Variants in AGO4 observed in about 807,000 individuals in gnomAD.
The protein encoded by AGO4 is argonaute RISC component 4.
Under a neutral mutation model 104.7 loss-of-function variants are expected in AGO4, and 33 were observed. The ratio of observed to expected loss-of-function variants is 0.32; its 90% confidence interval spans 0.24 to 0.42. The LOEUF (loss-of-function observed/expected upper bound fraction) is 0.42. Among genes scored for constraint, AGO4 ranks in the 10% least tolerant of loss-of-function variants. The pLI is 1.00. For missense variants in AGO4, 711 were observed against 1,083.4 expected, an observed-to-expected ratio of 0.66 and a Z score of 4.83; for synonymous variants, 331 against 364.7, an observed-to-expected ratio of 0.91 and a Z score of 1.05.
At chr1:35,848,662 T>G (rs1644630961) in intron 15 of AGO4, among the ~76,000 whole-genome samples, 1 of 151,234 alleles carries the variant, frequency 6.6e-6, no homozygotes, top group Admixed American at 6.6e-5. Context: ...AAGGGTAAAA[T>G]AAATTTAGAA....
intron 17 of AGO4, among the ~76,000 whole-genome samples, chr1:35,851,372 C>G (rs907432959): frequency 6.6e-6 from 1 of 152,132 alleles, no homozygotes; most frequent in African/African-American, 2.4e-5. Context: ...ACCCTGGCTC[C>G]GGTCAAAGTA....
intron 7 of AGO4, among the ~76,000 whole-genome samples, chr1:35,830,192 A>G (rs971536741): frequency 6.6e-6 from 1 of 150,816 alleles, no homozygotes; most frequent in African/African-American, 2.4e-5. Flanking sequence ...TGTACTAAGT[A>G]TTTGAGATAA....
chr1:35,847,532 G>A lies in AGO4; in HGVS notation c.2176-2625G>A, dbSNP rs1046920083. Among the ~76,000 whole-genome samples, 9 of 152,092 alleles carry A rather than the reference G, an allele frequency of 5.9e-5. No homozygotes were observed. In the East Asian group the frequency reaches 1.5e-3, roughly 26 times the overall value. Reference sequence around the variant, plus strand: ...TACAGGCATGAAAGCCACTGCTCCCGGCCCAAGTTTACAAATGTGTACTGG... The same window carrying A: ...TACAGGCATGAAAGCCACTGCTCCCAGCCCAAGTTTACAAATGTGTACTGG... On this transcript the variant is annotated intron_variant, in intron 15 of 17. Transcript: ENST00000373210.
Position 35,825,675 on chromosome 1 carries a change from T to C in AGO4, c.489-4T>C. ...GTGACACATGCAAACTCTTATTTCT[T>C]CAGGTACACCCCAGTGGGCCGTTCC... On this transcript the variant is annotated splice_polypyrimidine_tract_variant and splice_region_variant and intron_variant, in intron 4 of 17. Transcript: ENST00000373210. 1.9e-6 allele frequency: 3 copies of C among 1,538,582 alleles called. No individual in the cohort carries two copies. The highest frequency in any genetic ancestry group is 2.6e-6 in the Non-Finnish European group (3 of 1,147,118).
In AGO4 at chr1:35,816,872, A is replaced by G. The variant is rs1364992009; in HGVS notation, c.20-10A>G. 4.5e-6 allele frequency: 7 copies of G among 1,557,828 alleles called. No homozygotes were observed. The highest frequency in any genetic ancestry group is 1.4e-5 in the African/African-American group (1 of 71,468). On this transcript the variant is annotated splice_polypyrimidine_tract_variant and intron_variant, in intron 1 of 17. Transcript: ENST00000373210. ...AAAATAGCACAGCAAATGTCTTTCA[A>G]TCTCTTTAGGACCTCCGGCTAGCCT...
intron 2 of AGO4, among the ~76,000 whole-genome samples, chr1:35,821,467 A>T (rs1308032417): frequency 6.6e-6 from 1 of 152,222 alleles, no homozygotes; most frequent in African/African-American, 2.4e-5. Context: ...TGACTCTAGC[A>T]TTCAAAAATC....
chr1:35,832,166 T>C lies in AGO4; in HGVS notation c.1226T>C (p.Met409Thr), dbSNP rs1203967108. 1 of 1,613,366 alleles carries C rather than the reference T, an allele frequency of 6.2e-7. No individual in the cohort carries two copies. The highest frequency in any genetic ancestry group is 8.5e-7 in the Non-Finnish European group (1 of 1,179,888). ...ELTGRVLPAP[M>T]LQYGGRNKTV... ...ACAGGCAGGGTACTTCCAGCACCAA[T>C]GCTGCAATATGGAGGCCGGGTAAGC... is the stretch of plus-strand genomic sequence containing the variant. The change falls in exon 10 of 18, where the codon ATG becomes ACG. Residue 409 changes from methionine to threonine, a missense_variant. Physicochemically the swap from Met to Thr is moderately conservative, Grantham distance 81. Coordinates refer to ENST00000373210, the MANE Select transcript of AGO4 (RefSeq NM_017629.4).
intron 2 of AGO4, among the ~76,000 whole-genome samples, chr1:35,821,478 T>G (rs1370103539): frequency 6.6e-6 from 1 of 152,208 alleles, no homozygotes; most frequent in Non-Finnish European, 1.5e-5. Context: ...TTCAAAAATC[T>G]CACAAACCCT....
chr1:35,850,758 G>A (rs1644679220), intron 16 of AGO4, 96 bp from the exon 17 acceptor site: 3 of 947,870 alleles, frequency 3.2e-6, no homozygotes, highest in Non-Finnish European at 4.5e-6. Context: ...TCCAGCCTAG[G>A]TGACAGAGTG....
Position 35,825,959 on chromosome 1 carries a change from T to C in AGO4, c.659T>C (p.Ile220Thr). 6.2e-7 allele frequency: 1 copy of C among 1,614,232 alleles called. No homozygotes were observed. Among genetic ancestry groups the C allele is most frequent in the South Asian group, 1.1e-5 (1 of 91,080 alleles). ...SATAFYRAQP[I>T]IEFMCEVLDI... ...ACTGCTTTCTACCGGGCTCAGCCTA[T>C]CATTGAGTTCATGTGTGAGGTTTTA... The change falls in exon 6 of 18, where the codon ATC (isoleucine) becomes ACC (threonine). Residue 220 changes from isoleucine (I) to threonine (T), a missense_variant. Ile to Thr is a moderately conservative substitution (Grantham distance 89). This residue lies in a region of AGO4 where 308 missense variants were observed against 397.8 expected (regional missense o/e 0.77). Transcript: ENST00000373210.
chr1:35,823,276 G>A (rs1422720746), intron 3 of AGO4, among the ~76,000 whole-genome samples: 2 of 143,072 alleles, frequency 1.4e-5, no homozygotes, highest in Non-Finnish European at 3.0e-5. Flanking sequence ...TTTTTGAGAT[G>A]GGATCTCGCT....
chr1:35,850,800 C>CA lies in AGO4; in HGVS notation c.2278-49dup, dbSNP rs1384189842. On this transcript the variant is annotated intron_variant, in intron 16 of 17. Transcript: ENST00000373210. ...CATCTCAAAAAAAAAAAAAAAAAAA[C>CA]AAAAACAAAAAACGAACAAAAAAAA... is the stretch of plus-strand genomic sequence containing the variant. The CA allele has an allele frequency of 1.1e-5, 9 of 827,920 alleles. No individual in the cohort carries two copies. The African/African-American group carries it at 1.3e-4, about 12-fold the overall frequency. 51.3% of individuals were successfully genotyped at this position (827,920 alleles called of 1,614,324 possible).
chr1:35,835,006 CT>C (rs34516326), intron 12 of AGO4, among the ~76,000 whole-genome samples: 9,883 of 102,812 alleles, frequency 0.096, 374 homozygotes, highest in African/African-American at 0.21. Flanking sequence ...CAGTTTTAAA[CT>C]TTTTTTTTTT....
At chr1:35,826,160 A>G in intron 6 of AGO4, 100 bp downstream of exon 6, 2 of 1,449,024 alleles carry the variant, frequency 1.4e-6, no homozygotes, top group Non-Finnish European at 1.9e-6. Context: ...GTCTCAGGCT[A>G]ACCACTTCTA....
At chr1:35,820,224 A>T (rs1303847975) in intron 2 of AGO4, among the ~76,000 whole-genome samples, 1 of 152,192 alleles carries the variant, frequency 6.6e-6, no homozygotes, top group Non-Finnish European at 1.5e-5. Flanking sequence ...AAAAAGCCTT[A>T]CTTGAGAAAG....
chr1:35,807,928 C>T (rs1199854295), upstream of AGO4, among the ~76,000 whole-genome samples: 8 of 151,926 alleles, frequency 5.3e-5, no homozygotes, highest in Non-Finnish European at 1.2e-4. Context: ...GGCCACCGGA[C>T]GGCCTCCTCG....
chr1:35,837,700 G>A (rs1022797421), intron 13 of AGO4, among the ~76,000 whole-genome samples: 4 of 151,710 alleles, frequency 2.6e-5, no homozygotes, highest in African/African-American at 9.7e-5. Context: ...CTTTTATAAT[G>A]GACCTGTTCA....
intron 15 of AGO4, among the ~76,000 whole-genome samples, chr1:35,842,850 T>C (rs1644477614): frequency 1.3e-5 from 2 of 152,196 alleles, no homozygotes; most frequent in South Asian, 4.1e-4. Flanking sequence ...CCCCAGGCAT[T>C]TCAGGTAGAG....
chr1:35,807,988 G>C (rs1296563092), upstream of AGO4, among the ~76,000 whole-genome samples: 1 of 151,302 alleles, frequency 6.6e-6, no homozygotes, highest in Admixed American at 6.6e-5. Context: ...CACGTCCACC[G>C]GGCTCTGCAC....
Sources: allele counts gnomAD v4.1 joint callset (sites outside exome capture counted in the v4.1 genomes callset), GRCh38; gene constraint gnomAD v4.1.1; regional missense constraint gnomAD v4.1.1; transcripts MANE v1.5; gene names NCBI Gene and HGNC (gene_info 2026-07-23, HGNC 2026-07-21).